MTHFD2L: variants seen among roughly 807,000 people sequenced by gnomAD.
MTHFD2L encodes the protein methylenetetrahydrofolate dehydrogenase (NADP+ dependent) 2 like, also known as bifunctional methylenetetrahydrofolate dehydrogenase/cyclohydrolase 2, mitochondrial.
A neutral mutation model predicts 34.9 loss-of-function variants in MTHFD2L; 29 were observed. The observed-to-expected ratio is 0.83, with a 90% CI of 0.62 to 1.13. The LOEUF (loss-of-function observed/expected upper bound fraction) is 1.13, where lower values mean the gene tolerates loss of function less well. Among genes scored for constraint, MTHFD2L ranks in the 50% most tolerant of loss-of-function variants. The pLI is 0.00. For synonymous variants in MTHFD2L, 167 were observed against 155.7 expected, an observed-to-expected ratio of 1.07 and a Z score of -0.54; for missense variants, 481 against 446.5, an observed-to-expected ratio of 1.08 and a Z score of -0.70.
chr4:74,277,251 G>A (rs1400641107), intron 6 of MTHFD2L, among the ~76,000 whole-genome samples: 6 of 151,764 alleles, frequency 4.0e-5, no homozygotes, highest in Admixed American at 2.0e-4. Context: ...TGCTGAGGGC[G>A]AATGGAGTCT....
chr4:74,251,862 G>A (rs565743910), intron 6 of MTHFD2L, among the ~76,000 whole-genome samples: 1 of 152,296 alleles, frequency 6.6e-6, no homozygotes, highest in South Asian at 2.1e-4. Context: ...CAGCATAGTT[G>A]TTCTAGAAAA....
chr4:74,150,084 G>A (rs1199906551), intron 1 of MTHFD2L, among the ~76,000 whole-genome samples: 2 of 152,106 alleles, frequency 1.3e-5, no homozygotes, highest in Non-Finnish European at 2.9e-5. Context: ...ATGGGGGAAG[G>A]GTGCCAACAA....
At chr4:74,290,686 T>G (rs1748779203) in intron 7 of MTHFD2L, among the ~76,000 whole-genome samples, 1 of 151,882 alleles carries the variant, frequency 6.6e-6, no homozygotes. Flanking sequence ...ATTGCTCACG[T>G]TTTCTCTCCA....
At chr4:74,235,315 G>A (rs1053462870) in intron 6 of MTHFD2L, among the ~76,000 whole-genome samples, 8 of 152,152 alleles carry the variant, frequency 5.3e-5, no homozygotes, top group African/African-American at 1.9e-4. Context: ...AGGAAAAACA[G>A]GAAGTAGACT....
chr4:74,208,231 G>A (rs1043545395), intron 5 of MTHFD2L, among the ~76,000 whole-genome samples: 1 of 152,166 alleles, frequency 6.6e-6, no homozygotes, highest in Non-Finnish European at 1.5e-5. Context: ...GTAGAAAAGA[G>A]CAAATGATAG....
In MTHFD2L at chr4:74,301,011, C is replaced by T. The variant is rs554263853; in HGVS notation, c.932-686C>T. 5.1e-4 allele frequency among the ~76,000 whole-genome samples: 78 copies of T among 152,136 alleles called. 1 individual carries two copies. The highest frequency in any genetic ancestry group is 1.6e-3 in the African/African-American group (68 of 41,522). Reference sequence around the variant, plus strand: ...CACTACTCAGCATCTTGAGAAGTATCGTATCACATATCACTAGCTGGGAGA... The same window carrying T: ...CACTACTCAGCATCTTGAGAAGTATTGTATCACATATCACTAGCTGGGAGA... On this transcript the variant is annotated intron_variant, in intron 7 of 7. Transcript: ENST00000325278.
chr4:74,168,339 C>G (rs1322211205), intron 1 of MTHFD2L, among the ~76,000 whole-genome samples: 1 of 152,176 alleles, frequency 6.6e-6, no homozygotes, highest in African/African-American at 2.4e-5. Flanking sequence ...TAAAGGCCTC[C>G]ATACTTGTTC....
At chr4:74,134,447 G>C (rs1054158739) in intron 1 of MTHFD2L, among the ~76,000 whole-genome samples, 2 of 152,138 alleles carry the variant, frequency 1.3e-5, no homozygotes, top group African/African-American at 4.8e-5. Flanking sequence ...GCGCCATCTA[G>C]AGCCGAAAAC....
chr4:74,246,572 G>T (rs1039026565), intron 6 of MTHFD2L, among the ~76,000 whole-genome samples: 15 of 152,140 alleles, frequency 9.9e-5, no homozygotes, highest in South Asian at 4.1e-4. Flanking sequence ...GTCCTGAATG[G>T]TAATGCCTAG....
chr4:74,253,163 A>G (rs1743548493), intron 6 of MTHFD2L, among the ~76,000 whole-genome samples: 1 of 152,164 alleles, frequency 6.6e-6, no homozygotes, highest in Non-Finnish European at 1.5e-5. Context: ...TATATAAGGA[A>G]CCAGAAATCT....
intron 3 of MTHFD2L, among the ~76,000 whole-genome samples, chr4:74,189,560 T>A (rs1019492145): frequency 4.7e-5 from 7 of 148,898 alleles, no homozygotes; most frequent in Middle Eastern, 3.4e-3. Context: ...GAGATATAAT[T>A]TACATAGCAG....
At chr4:74,192,235 T>C (rs1732678225) in intron 3 of MTHFD2L, among the ~76,000 whole-genome samples, 1 of 152,192 alleles carries the variant, frequency 6.6e-6, no homozygotes, top group Non-Finnish European at 1.5e-5. Flanking sequence ...GGACAGGTTG[T>C]ATTTTTATCT....
intron 5 of MTHFD2L, among the ~76,000 whole-genome samples, chr4:74,219,030 G>A (rs187316764): frequency 2.4e-4 from 36 of 152,024 alleles, no homozygotes; most frequent in Non-Finnish European, 1.3e-4. Context: ...CATTTACATT[G>A]TATTAGGTAT....
At chr4:74,299,007 G>A (rs1020557590) in intron 7 of MTHFD2L, among the ~76,000 whole-genome samples, 2 of 151,820 alleles carry the variant, frequency 1.3e-5, no homozygotes, top group Non-Finnish European at 2.9e-5. Flanking sequence ...TATTAAAACA[G>A]CATAATTCTT....
At position 74,115,243 on chromosome 4, in the gene MTHFD2L, A is replaced by G. The variant is rs115220714; in HGVS notation, c.-144+586A>G. Among the ~76,000 whole-genome samples, 933 of 152,294 alleles carry G rather than the reference A, an allele frequency of 6.1e-3. 16 individuals carry two copies. The highest frequency in any genetic ancestry group is 0.022 in the African/African-American group (906 of 41,558). On this transcript the variant is annotated intron_variant and NMD_transcript_variant, in intron 2 of 9. Transcript: ENST00000429519. Reference sequence around the variant, plus strand: ...TAGGAGAGACTGCGACAGAAATTCCATTAGTGGATTTGAGATTGAGTTTAG... The same window carrying G: ...TAGGAGAGACTGCGACAGAAATTCCGTTAGTGGATTTGAGATTGAGTTTAG...
rs1451899221 is a variant in MTHFD2L at position 74,302,965 on chromosome 4, G to A, written c.*1156G>A. 3 of 152,052 alleles carry A rather than the reference G, an allele frequency of 2.0e-5. No homozygotes were observed. Among genetic ancestry groups the A allele is most frequent in the East Asian group, 3.8e-4 (2 of 5,198 alleles). 9.4% of individuals were successfully genotyped at this position (152,052 alleles called of 1,614,324 possible). Reference sequence around the variant, plus strand: ...TGTTTTTATGCCCAAATCCCAGTATGTTTATGTACCAATAATGACTCTTAC... The same window carrying A: ...TGTTTTTATGCCCAAATCCCAGTATATTTATGTACCAATAATGACTCTTAC... On this transcript the variant is annotated 3_prime_UTR_variant, in exon 8 of 8. Coordinates refer to ENST00000325278, the MANE Select transcript of MTHFD2L (RefSeq NM_001144978.3).
At chr4:74,196,777 C>G (rs901008641) in intron 3 of MTHFD2L, among the ~76,000 whole-genome samples, 3 of 151,974 alleles carry the variant, frequency 2.0e-5, no homozygotes, top group Non-Finnish European at 1.5e-5. Flanking sequence ...GAAACCCCAT[C>G]TGTACTAAAA....
intron 1 of MTHFD2L, among the ~76,000 whole-genome samples, chr4:74,145,891 C>T (rs1309298941): frequency 2.0e-5 from 3 of 152,136 alleles, no homozygotes; most frequent in Non-Finnish European, 4.4e-5. Context: ...TAAGTAAATG[C>T]TCTCTGAGGC....
chr4:74,185,659 C>T (rs1162183021), intron 3 of MTHFD2L, among the ~76,000 whole-genome samples: 1 of 152,046 alleles, frequency 6.6e-6, no homozygotes, highest in East Asian at 1.9e-4. Flanking sequence ...TAACATTATC[C>T]CAATTTGACA....
Sources: allele counts gnomAD v4.1 joint callset (sites outside exome capture counted in the v4.1 genomes callset), GRCh38; gene constraint gnomAD v4.1.1; transcripts MANE v1.5; gene names NCBI Gene and HGNC (gene_info 2026-07-23, HGNC 2026-07-21).